Variants in MAML3 observed in about 807,000 individuals in gnomAD.
MAML3 encodes the protein mastermind-like protein 3.
In MAML3, 27 loss-of-function variants were observed where a neutral mutation model predicts 101.9. That is an observed-to-expected ratio of 0.27 (90% CI 0.20 to 0.37). The LOEUF is 0.37. MAML3 is among the 10% of genes least tolerant of loss of function. MAML3 has a pLI of 1.00. For missense variants in MAML3, 1,316 were observed against 1,444.9 expected (o/e 0.91, Z 1.45); for synonymous variants, 501 against 555.9 (o/e 0.90, Z 1.39).
chr4:139,811,885 A>G (rs1488158847), intron 2 of MAML3, among the ~76,000 whole-genome samples: 1 of 152,238 alleles, frequency 6.6e-6, no homozygotes, highest in African/African-American at 2.4e-5. Flanking sequence ...ATGTGTGGTA[A>G]CTAATTCAGT....
At chr4:140,135,589 G>A (rs1008934183) in intron 1 of MAML3, among the ~76,000 whole-genome samples, 4 of 152,240 alleles carry the variant, frequency 2.6e-5, no homozygotes, top group Admixed American at 1.3e-4. Flanking sequence ...GTCAGCCACC[G>A]TACAGCAAGG....
intron 1 of MAML3, among the ~76,000 whole-genome samples, chr4:140,147,761 G>A (rs892682040): frequency 1.3e-5 from 2 of 152,198 alleles, no homozygotes; most frequent in African/African-American, 4.8e-5. Context: ...TTAAGCTCAA[G>A]AGTATAAGAC....
At chr4:139,842,957 T>C (rs1731388051) in intron 2 of MAML3, among the ~76,000 whole-genome samples, 1 of 151,650 alleles carries the variant, frequency 6.6e-6, no homozygotes, top group African/African-American at 2.4e-5. Flanking sequence ...TTTGTATTTC[T>C]AGTAAAGTCG....
intron 1 of MAML3, among the ~76,000 whole-genome samples, chr4:139,948,949 T>C (rs1252313440): frequency 1.3e-5 from 2 of 152,188 alleles, no homozygotes; most frequent in Admixed American, 6.5e-5. Flanking sequence ...CTCTTCCCTA[T>C]GGCCATGCAG....
chr4:139,951,205 A>AATGT, intron 1 of MAML3, among the ~76,000 whole-genome samples: 1 of 152,344 alleles, frequency 6.6e-6, no homozygotes, highest in Middle Eastern at 3.4e-3. Flanking sequence ...GGGAGCTAGA[A>AATGT]ATGTGTCACA....
At chr4:139,781,508 CATAT>C (rs10568513) in intron 2 of MAML3, among the ~76,000 whole-genome samples, 11 of 137,050 alleles carry the variant, frequency 8.0e-5, no homozygotes, top group Admixed American at 1.6e-4. Context: ...AGAGCATTTT[CATAT>C]ATATATATAT....
Position 139,889,868 on chromosome 4 carries a change from G to T in MAML3, c.1568C>A (p.Pro523His), listed in dbSNP as rs1350599037. The change falls in exon 2 of 5, where the codon CCT becomes CAT. Residue 523 changes from proline to histidine, a missense_variant. Pro to His is a moderately conservative substitution (Grantham distance 77, BLOSUM62 -2). Transcript: ENST00000509479. ...NQTSNWSPLG[P>H]PSSPYGAAFT... ...AGCTGCTCCATATGGACTAGAGGGA[G>T]GTCCTAAGGGAGACCAATTTGAAGT... The T allele has an allele frequency of 1.2e-6, 2 of 1,613,542 alleles. No individual in the cohort carries two copies. The highest frequency in any genetic ancestry group is 2.7e-5 in the African/African-American group (2 of 74,806).
At chr4:139,844,790 A>G (rs948065078) in intron 2 of MAML3, among the ~76,000 whole-genome samples, 2 of 152,244 alleles carry the variant, frequency 1.3e-5, no homozygotes, top group African/African-American at 4.8e-5. Context: ...AAATGAGACC[A>G]GAAGACAAGA....
chr4:139,994,671 A>T (rs2110833492), intron 1 of MAML3, among the ~76,000 whole-genome samples: 1 of 152,310 alleles, frequency 6.6e-6, no homozygotes, highest in East Asian at 1.9e-4. Context: ...AAATTAAATG[A>T]ATGAATTAAT....
At chr4:140,128,855 C>T (rs1292727836) in intron 1 of MAML3, among the ~76,000 whole-genome samples, 1 of 152,200 alleles carries the variant, frequency 6.6e-6, no homozygotes, top group Non-Finnish European at 1.5e-5. Context: ...GAGACCCAGG[C>T]AGGGAGTAAA....
At chr4:140,133,258 T>C in intron 1 of MAML3, 1 of 330,166 alleles carries the variant, frequency 3.0e-6, no homozygotes, top group Non-Finnish European at 6.0e-6. Context: ...ACTACAGTGG[T>C]CCTGCCTTAT....
chr4:139,731,473 C>G (rs950290821), intron 2 of MAML3: 2 of 102,514 alleles, frequency 2.0e-5, no homozygotes, highest in African/African-American at 8.8e-5. Flanking sequence ...AAAAAATTAG[C>G]CAGACATGGT....
chr4:139,828,614 T>A (rs905452166), intron 2 of MAML3, among the ~76,000 whole-genome samples: 1 of 150,752 alleles, frequency 6.6e-6, no homozygotes, highest in African/African-American at 2.4e-5. Flanking sequence ...AAATACAACA[T>A]AATAAATGAT....
At chr4:139,905,510 C>CAAAAAAAAA (rs1553963392) in intron 1 of MAML3, among the ~76,000 whole-genome samples, 2 of 57,016 alleles carry the variant, frequency 3.5e-5, no homozygotes, top group South Asian at 6.4e-4. Context: ...AAAAAAAAAT[C>CAAAAAAAAA]AGTTAAATCA....
intron 1 of MAML3, among the ~76,000 whole-genome samples, chr4:140,057,968 T>G (rs997208450): frequency 0.034 from 4 of 118 alleles, no homozygotes; most frequent in African/African-American, 0.059. Context: ...GTTGTGGGGT[T>G]TTTTTTTTCA....
intron 2 of MAML3, among the ~76,000 whole-genome samples, chr4:139,861,005 G>GTATATACAATACATGTATATACATAAAGA (rs1456473125): frequency 6.6e-6 from 1 of 151,880 alleles, no homozygotes; most frequent in African/African-American, 2.4e-5. Context: ...TATGATATAT[G>GTATATACAATACATGTATATACATAAAGA]TATATACAAT....
chr4:139,992,787 G>A (rs1457035387), intron 1 of MAML3, among the ~76,000 whole-genome samples: 1 of 152,066 alleles, frequency 6.6e-6, no homozygotes, highest in Non-Finnish European at 1.5e-5. Flanking sequence ...TTGATCTCTT[G>A]ACCTTGTGAT....
intron 1 of MAML3, among the ~76,000 whole-genome samples, chr4:140,003,072 C>T (rs1726356574): frequency 6.6e-6 from 1 of 152,234 alleles, no homozygotes; most frequent in Admixed American, 6.5e-5. Flanking sequence ...CAATTTACCA[C>T]TTCTTTCTCA....
chr4:139,947,434 G>A (rs1044022860), intron 1 of MAML3, among the ~76,000 whole-genome samples: 17 of 152,140 alleles, frequency 1.1e-4, no homozygotes, highest in African/African-American at 4.1e-4. Flanking sequence ...TCTGCCACCA[G>A]GAACCTGGGA....
Sources: gnomAD v4.1 joint callset for allele counts (sites outside exome capture counted in the v4.1 genomes callset) on GRCh38, gnomAD v4.1.1 for gene constraint, MANE v1.5 for transcripts, NCBI Gene and HGNC (gene_info 2026-07-23, HGNC 2026-07-21) for gene names.